ASB16: variants seen among roughly 807,000 people sequenced by gnomAD.
The protein encoded by ASB16 is ankyrin repeat and SOCS box protein 16.
ASB16 carries 44 observed loss-of-function variants against 39.1 expected under a neutral mutation model. The observed-to-expected ratio is 1.13, with a 90% CI of 0.88 to 1.45. The LOEUF is 1.45. ASB16 is among the 40% of genes most tolerant of loss of function. ASB16 has a pLI of 0.00. For missense variants in ASB16, 698 were observed against 634.5 expected (o/e 1.10, Z -1.07); for synonymous variants, 305 against 286.7 (o/e 1.06, Z -0.64).
At chr17:44,177,850 G>A in intron 4 of ASB16, 128 bp downstream of exon 4, 1 of 1,343,844 alleles carries the variant, frequency 7.4e-7, no homozygotes, top group South Asian at 1.5e-5. Flanking sequence ...TGGCACCCCT[G>A]GGTTTCAGGG....
In ASB16 at chr17:44,177,604, C is replaced by G; in HGVS notation, c.1063-5C>G. The G allele has an allele frequency of 1.2e-6, 2 of 1,613,078 alleles. No individual in the cohort carries two copies. Among genetic ancestry groups the G allele is most frequent in the Non-Finnish European group, 1.7e-6 (2 of 1,179,344 alleles). ...ATGTGCCCAAGACCCTCTTTTGACC[C>G]CTAGATGCTGAAACACTGCGCCAAC... is the stretch of plus-strand genomic sequence containing the variant. On this transcript the variant is annotated splice_polypyrimidine_tract_variant and splice_region_variant and intron_variant, in intron 3 of 4. Coordinates refer to ENST00000293414, the MANE Select transcript of ASB16 (RefSeq NM_080863.5).
intron 2 of ASB16, among the ~76,000 whole-genome samples, chr17:44,174,710 G>C (rs980767775): frequency 1.3e-5 from 2 of 152,136 alleles, no homozygotes; most frequent in South Asian, 4.1e-4. Flanking sequence ...GTTCTTACAG[G>C]CATGTGGTGT....
chr17:44,177,859 G>A (rs1295731514), intron 4 of ASB16, 137 bp downstream of exon 4: 2 of 1,290,142 alleles, frequency 1.6e-6, no homozygotes, highest in Non-Finnish European at 2.1e-6. Flanking sequence ...TGGGTTTCAG[G>A]GTACCCCCTC....
In ASB16 at chr17:44,178,473, CTCTTT is replaced by C. The variant is rs2054333335; in HGVS notation, c.*95_*99del. The C allele has an allele frequency of 3.2e-5, 44 of 1,396,032 alleles. No individual in the cohort carries two copies. The highest frequency in any genetic ancestry group is 5.1e-5 in the Admixed American group (2 of 39,118). 86.5% of individuals were successfully genotyped at this position (1,396,032 alleles called of 1,614,324 possible). On this transcript the variant is annotated 3_prime_UTR_variant, in exon 5 of 5. Coordinates refer to ENST00000293414, the MANE Select transcript of ASB16 (RefSeq NM_080863.5). ...AACTGCGGAGGACCAGTTCCTGGCC[CTCTTT>C]TCTTTTCTTTTTGAGACCTAGTCTC... is the stretch of plus-strand genomic sequence containing the variant.
intron 2 of ASB16, 56 bp from the exon 3 acceptor site, chr17:44,176,682 T>C (rs886905122): frequency 1.2e-6 from 2 of 1,613,386 alleles, no homozygotes; most frequent in Non-Finnish European, 1.7e-6. Context: ...CACAGCAAGC[T>C]GAAGGGGTCC....
intron 2 of ASB16, chr17:44,176,437 T>TG: frequency 2.1e-6 from 1 of 471,906 alleles, no homozygotes; most frequent in South Asian, 2.1e-5. Flanking sequence ...GAGTAGACTG[T>TG]GGGAGGGACT....
At chr17:44,174,963 A>G (rs1236075967) in intron 2 of ASB16, among the ~76,000 whole-genome samples, 1 of 151,568 alleles carries the variant, frequency 6.6e-6, no homozygotes, top group Non-Finnish European at 1.5e-5. Flanking sequence ...TTAGCCAGGC[A>G]TGGCAGCGCA....
At position 44,172,299 on chromosome 17, in the gene ASB16, C is replaced by A. The variant is rs1235823352; in HGVS notation, c.555C>A (p.Ile185=). ...EGTTPLHLCT[I]PESLQCAKLL... is the part of the protein sequence containing the mutation. ...CGACTCCTTTGCACCTCTGCACGAT[C>A]CCCGAGTCCTTGCAGTAGGTGCCTG... The change falls in exon 2 of 5, where the codon ATC becomes ATA. Residue 185 remains isoleucine (I), a synonymous_variant. Transcript: ENST00000293414. 2 of 1,612,332 alleles carry A rather than the reference C, an allele frequency of 1.2e-6. No homozygotes were observed. Among genetic ancestry groups the A allele is most frequent in the South Asian group, 1.1e-5 (1 of 91,068 alleles).
At position 44,178,490 on chromosome 17, in the gene ASB16, T is replaced by G. The variant is rs916718970; in HGVS notation, c.*100T>G. 4 of 1,267,536 alleles carry G rather than the reference T, an allele frequency of 3.2e-6. No homozygotes were observed. The highest frequency in any genetic ancestry group is 5.1e-5 in the East Asian group (2 of 39,054). 78.5% of individuals were successfully genotyped at this position (1,267,536 alleles called of 1,614,324 possible). A position where few individuals can be genotyped will look rare whatever the true frequency, so the allele number is the denominator to read the frequency against. On this transcript the variant is annotated 3_prime_UTR_variant, in exon 5 of 5. Transcript: ENST00000293414. ...TCCTGGCCCTCTTTTCTTTTCTTTT[T>G]GAGACCTAGTCTCACTCTGTTGCCC...
Position 44,170,970 on chromosome 17 carries a change from G to A in ASB16, c.181G>A (p.Val61Ile). Residue 61 changes from valine (V) to isoleucine (I), a missense_variant, in exon 1 of 5, where the codon GTC becomes ATC. Physicochemically the swap from Val to Ile is conservative, Grantham distance 29. Transcript: ENST00000293414. The part of the protein sequence containing the change: ...RPHRSCRDPA[V>I]HQALFSGNLQ... ...TCACCGTTCCTGCCGAGACCCAGCT[G>A]TCCACCAAGCCCTCTTCTCCGGCAA... 6.2e-7 allele frequency: 1 copy of A among 1,613,934 alleles called. No individual in the cohort carries two copies. Among genetic ancestry groups the A allele is most frequent in the Non-Finnish European group, 8.5e-7 (1 of 1,180,018 alleles).
At position 44,179,017 on chromosome 17, in the gene ASB16, C is replaced by A. The variant is rs1366733609; in HGVS notation, c.*627C>A. The A allele has an allele frequency of 3.2e-5, 5 of 154,902 alleles. No individual in the cohort carries two copies. The East Asian group carries it at 7.7e-4, about 24-fold the overall frequency. The allele number at this position is 154,902 out of a possible 1,614,324, so 9.6% of individuals were successfully genotyped here. A position where few individuals can be genotyped will look rare whatever the true frequency, so the allele number is the denominator to read the frequency against. On this transcript the variant is annotated 3_prime_UTR_variant, in exon 5 of 5. Coordinates refer to ENST00000293414, the MANE Select transcript of ASB16 (RefSeq NM_080863.5). ...ACCAGTGATTCTAGTGGCCCACCAC[C>A]TCCCTCTCCTGCCACCCTTATACCT...
Position 44,172,263 on chromosome 17 carries a change from T to G in ASB16, c.519T>G (p.Thr173=). The stretch of plus-strand genomic sequence containing the variant: ...TCGGAGCCAAGGCTAATGTGCTGAC[T>G]GAGGAGGGCACGACTCCTTTGCACC... ...LTFGAKANVL[T]EEGTTPLHLC... Residue 173 remains threonine, a synonymous_variant, in exon 2 of 5, where the codon ACT becomes ACG. Coordinates refer to ENST00000293414, the MANE Select transcript of ASB16 (RefSeq NM_080863.5). 1 of 1,613,768 alleles carries G rather than the reference T, an allele frequency of 6.2e-7. No individual in the cohort carries two copies.
rs367770946 is a variant in ASB16 at position 44,178,210 on chromosome 17, C to G, written c.1182C>G (p.His394Gln). ...EAVLPELWKE[H>Q]EAFYSSALCM... ...TTCTTTCACTCCTGGCCTAGGAGCACGAAGCCTTCTACAGCTCGGCCCTGT... is the reference window on the plus strand; with the variant it reads ...TTCTTTCACTCCTGGCCTAGGAGCAGGAAGCCTTCTACAGCTCGGCCCTGT... The change falls in exon 5 of 5, where the codon CAC becomes CAG. Residue 394 changes from histidine (H) to glutamine (Q), a missense_variant. Transcript: ENST00000293414. 1 of 1,613,018 alleles carries G rather than the reference C, an allele frequency of 6.2e-7. No individual in the cohort carries two copies. Among genetic ancestry groups the G allele is most frequent in the Admixed American group, 1.7e-5 (1 of 60,018 alleles).
Position 44,178,629 on chromosome 17 carries a change from C to T in ASB16, c.*239C>T. ...CTGGGACTACAGGCATGAGTCACCA[C>T]ACCTGGCTGATTTTGTATTTTTAGT... On this transcript the variant is annotated 3_prime_UTR_variant, in exon 5 of 5. Coordinates refer to ENST00000293414, the MANE Select transcript of ASB16 (RefSeq NM_080863.5). The T allele has an allele frequency of 1.8e-6, 1 of 541,436 alleles. No homozygotes were observed. Among genetic ancestry groups the T allele is most frequent in the Non-Finnish European group, 3.3e-6 (1 of 305,940 alleles). The allele number at this position is 541,436 out of a possible 1,614,324, so 33.5% of individuals were successfully genotyped here. A position where few individuals can be genotyped will look rare whatever the true frequency, so the allele number is the denominator to read the frequency against.
chr17:44,173,546 A>C (rs1302342882), intron 2 of ASB16, among the ~76,000 whole-genome samples: 1 of 148,436 alleles, frequency 6.7e-6, no homozygotes, highest in East Asian at 2.0e-4. Context: ...AATAAAAACT[A>C]GCCGGGTATG....
intron 4 of ASB16, chr17:44,177,943 T>C (rs1432235874): frequency 4.3e-6 from 3 of 690,554 alleles, no homozygotes; most frequent in African/African-American, 1.8e-5. Context: ...CACAGACATT[T>C]ATCTGGCATC....
In ASB16 at chr17:44,177,313, G is replaced by A. The variant is rs996964742; in HGVS notation, c.1062+83G>A. 94 of 1,440,816 alleles carry A rather than the reference G, an allele frequency of 6.5e-5. No homozygotes were observed. The African/African-American group carries it at 1.2e-3, about 19-fold the overall frequency. 89.3% of individuals were successfully genotyped at this position (1,440,816 alleles called of 1,614,324 possible). ...CTGCTCCGCTTCTGGGGAAGACAGA[G>A]GGTCCAAGAGACTGAAAGCCTGCCC... On this transcript the variant is annotated intron_variant, in intron 3 of 4. Transcript: ENST00000293414.
At chr17:44,177,358 C>G in intron 3 of ASB16, 128 bp downstream of exon 3, 6 of 1,344,182 alleles carry the variant, frequency 4.5e-6, no homozygotes, top group Non-Finnish European at 6.0e-6. Flanking sequence ...AGGGGGCTGT[C>G]CCCAGCTTGG....
At chr17:44,172,653 T>C (rs1194539010) in intron 2 of ASB16, among the ~76,000 whole-genome samples, 1 of 151,878 alleles carries the variant, frequency 6.6e-6, no homozygotes, top group Non-Finnish European at 1.5e-5. Flanking sequence ...TGAGACGAAG[T>C]CTTGCTCTGT....
Sources: allele counts gnomAD v4.1 joint callset (sites outside exome capture counted in the v4.1 genomes callset), GRCh38; gene constraint gnomAD v4.1.1; transcripts MANE v1.5; gene names NCBI Gene and HGNC (gene_info 2026-07-23, HGNC 2026-07-21).